ADGRB3: variants seen among roughly 807,000 people sequenced by gnomAD.
ADGRB3 encodes the protein brain-specific angiogenesis inhibitor 3.
ADGRB3 carries 37 observed loss-of-function variants against 193.4 expected under a neutral mutation model. That is an observed-to-expected ratio of 0.19 (90% CI 0.15 to 0.25). ADGRB3 has a LOEUF of 0.25. Ranked by LOEUF, ADGRB3 falls within the 10% of genes least tolerant of loss-of-function variation. ADGRB3 has a pLI of 1.00. For synonymous variants in ADGRB3, 690 were observed against 644.2 expected (o/e 1.07, Z -1.08); for missense variants, 1,637 against 1,852.9 (o/e 0.88, Z 2.14).
At chr6:68,863,254 T>C (rs1765204970) in intron 3 of ADGRB3, among the ~76,000 whole-genome samples, 1 of 152,158 alleles carries the variant, frequency 6.6e-6, no homozygotes, top group African/African-American at 2.4e-5. Flanking sequence ...GTTATTCAAA[T>C]TCCTGAGTAC....
intron 17 of ADGRB3, among the ~76,000 whole-genome samples, chr6:69,173,937 A>G (rs1775356009): frequency 6.6e-6 from 1 of 152,240 alleles, no homozygotes; most frequent in Non-Finnish European, 1.5e-5. Flanking sequence ...TGTTCACCTC[A>G]AAATCTTAAC....
chr6:69,317,101 G>A (rs893117928), intron 20 of ADGRB3, among the ~76,000 whole-genome samples: 8 of 151,486 alleles, frequency 5.3e-5, no homozygotes, highest in Non-Finnish European at 8.9e-5. Flanking sequence ...ATAGGTGTAT[G>A]TATTTATACA....
At chr6:69,010,855 T>C (rs1027752911) in intron 11 of ADGRB3, among the ~76,000 whole-genome samples, 4 of 151,894 alleles carry the variant, frequency 2.6e-5, no homozygotes, top group Admixed American at 6.6e-5. Context: ...ACCTTTTTAT[T>C]TTAGGGATTG....
At chr6:69,069,550 A>C (rs1772010887) in intron 16 of ADGRB3, among the ~76,000 whole-genome samples, 2 of 109,496 alleles carry the variant, frequency 1.8e-5, no homozygotes, top group Non-Finnish European at 3.9e-5. Flanking sequence ...TCTACTAAAA[A>C]TACAAAAAAA....
intron 17 of ADGRB3, among the ~76,000 whole-genome samples, chr6:69,192,018 A>G (rs1366479245): frequency 6.6e-6 from 1 of 152,098 alleles, no homozygotes; most frequent in South Asian, 2.1e-4. Context: ...GTTACCCTTA[A>G]TCTTTATCTG....
intron 3 of ADGRB3, among the ~76,000 whole-genome samples, chr6:68,877,671 A>G (rs994478246): frequency 2.6e-5 from 4 of 152,114 alleles, no homozygotes; most frequent in Non-Finnish European, 5.9e-5. Context: ...CAAAGACATT[A>G]TCTTTCTTCT....
Position 68,910,028 on chromosome 6 carries a change from TAA to T in ADGRB3, c.758-20528_758-20527del, listed in dbSNP as rs1766656714. ...GTAGTTTACAGTCCCACCAACAGTG[TAA>T]AAGTGTTCCTGTTTCTCCACATCCT... On this transcript the variant is annotated intron_variant, in intron 3 of 31. Coordinates refer to ENST00000370598, the MANE Select transcript of ADGRB3 (RefSeq NM_001704.3). Among the ~76,000 whole-genome samples, 3 of 152,288 alleles carry T rather than the reference TAA, an allele frequency of 2.0e-5. No homozygotes were observed. In the South Asian group the frequency reaches 6.2e-4, roughly 32 times the overall value.
intron 17 of ADGRB3, among the ~76,000 whole-genome samples, chr6:69,130,672 A>G (rs1395325823): frequency 2.0e-5 from 3 of 151,640 alleles, no homozygotes; most frequent in Non-Finnish European, 4.4e-5. Flanking sequence ...TTTAGTAGTT[A>G]TGCATTGTGT....
intron 3 of ADGRB3, among the ~76,000 whole-genome samples, chr6:68,750,819 C>A (rs534050886): frequency 6.6e-6 from 1 of 152,198 alleles, no homozygotes; most frequent in South Asian, 2.1e-4. Flanking sequence ...ATATTACAGA[C>A]TTCAGTTATT....
intron 3 of ADGRB3, among the ~76,000 whole-genome samples, chr6:68,903,727 G>A (rs1387380463): frequency 6.6e-6 from 1 of 151,944 alleles, no homozygotes; most frequent in East Asian, 1.9e-4. Context: ...AGAAAATGGG[G>A]CCAGGAGCAG....
At chr6:69,361,801 A>G (rs1769460294) in intron 29 of ADGRB3, among the ~76,000 whole-genome samples, 1 of 5,338 alleles carries the variant, frequency 1.9e-4, no homozygotes, top group Admixed American at 4.6e-3. Context: ...CATCATGGGA[A>G]CTAAGGCACT....
At chr6:68,861,256 C>A (rs542974170) in intron 3 of ADGRB3, among the ~76,000 whole-genome samples, 284 of 152,282 alleles carry the variant, frequency 1.9e-3, no homozygotes, top group Middle Eastern at 3.4e-3. Context: ...TGCAACCCAA[C>A]TTCACTATTT....
At chr6:69,339,254 T>A in intron 25 of ADGRB3, 79 bp from the exon 26 acceptor site, 1 of 1,503,448 alleles carries the variant, frequency 6.7e-7, no homozygotes, top group Non-Finnish European at 9.0e-7. Flanking sequence ...CATACAAAAA[T>A]GCTTTGTTGA....
intron 6 of ADGRB3, among the ~76,000 whole-genome samples, chr6:68,950,127 C>T (rs1410248006): frequency 5.3e-5 from 8 of 152,024 alleles, no homozygotes; most frequent in Non-Finnish European, 1.0e-4. Context: ...ATGATTTTAT[C>T]TCATTGTACC....
Position 68,939,000 on chromosome 6 carries a change from A to G in ADGRB3, c.1030+2320A>G, listed in dbSNP as rs144185700. On this transcript the variant is annotated intron_variant, in intron 5 of 31. Transcript: ENST00000370598. ...TGGAAAGTGTTCTCAAAAATTTTCC[A>G]TTCAGAGTCTACTTCCCAGCCACTA... Among the ~76,000 whole-genome samples the G allele has an allele frequency of 5.1e-4, 77 of 152,256 alleles. 1 individual carries two copies. In the East Asian group the frequency reaches 0.012, roughly 24 times the overall value.
At chr6:68,696,384 C>T (rs1379513666) in intron 3 of ADGRB3, among the ~76,000 whole-genome samples, 1 of 150,670 alleles carries the variant, frequency 6.6e-6, no homozygotes, top group Non-Finnish European at 1.5e-5. Flanking sequence ...TTTATAGTTT[C>T]CTGTATTTTT....
chr6:69,328,102 T>A lies in ADGRB3; in HGVS notation c.3035+213T>A, dbSNP rs529180476. ...CAGAATCTTTGTTTTAGTTTCCCAT[T>A]TCTTAATAAGACCAGCATATTTGGC... On this transcript the variant is annotated intron_variant, in intron 22 of 31. Coordinates refer to ENST00000370598, the MANE Select transcript of ADGRB3 (RefSeq NM_001704.3). Among the ~76,000 whole-genome samples, 38 of 152,304 alleles carry A rather than the reference T, an allele frequency of 2.5e-4. No homozygotes were observed. In the South Asian group the frequency reaches 3.5e-3, roughly 14 times the overall value.
chr6:69,151,272 C>A (rs1774672490), intron 17 of ADGRB3, among the ~76,000 whole-genome samples: 1 of 152,176 alleles, frequency 6.6e-6, no homozygotes, highest in Non-Finnish European at 1.5e-5. Flanking sequence ...CTTGCCAGAA[C>A]TCAGGTTCTG....
chr6:68,812,749 C>T (rs992101050), intron 3 of ADGRB3, among the ~76,000 whole-genome samples: 32 of 151,584 alleles, frequency 2.1e-4, no homozygotes, highest in East Asian at 1.9e-4. Flanking sequence ...TAGTTATACA[C>T]GTGCCATGGT....
Sources: allele counts gnomAD v4.1 joint callset (sites outside exome capture counted in the v4.1 genomes callset), GRCh38; gene constraint gnomAD v4.1.1; transcripts MANE v1.5; gene names NCBI Gene and HGNC (gene_info 2026-07-23, HGNC 2026-07-21).